ESR1: variants seen among roughly 807,000 people sequenced by gnomAD.
The protein encoded by ESR1 is estrogen receptor.
Under a neutral mutation model 52.7 loss-of-function variants are expected in ESR1, and 12 were observed. That is an observed-to-expected ratio of 0.23 (90% CI 0.15 to 0.37). The LOEUF is 0.37. Among genes scored for constraint, ESR1 ranks in the 10% least tolerant of loss-of-function variants. ESR1 has a pLI of 1.00. For synonymous variants in ESR1, 305 were observed against 316.8 expected (o/e 0.96, Z 0.39); for missense variants, 584 against 779.7 (o/e 0.75, Z 2.99).
intron 5 of ESR1, among the ~76,000 whole-genome samples, chr6:152,021,874 C>G (rs569647468): frequency 6.6e-6 from 1 of 152,276 alleles, no homozygotes; most frequent in Non-Finnish European, 1.5e-5. Context: ...CTCTCATTCT[C>G]TCTTGCCTGC....
chr6:151,721,506 A>G (rs1210924677), intron 2 of ESR1, among the ~76,000 whole-genome samples: 1 of 152,242 alleles, frequency 6.6e-6, no homozygotes, highest in Non-Finnish European at 1.5e-5. Flanking sequence ...CCATGTAAGT[A>G]CATCTGCTGG....
intron 1 of ESR1, among the ~76,000 whole-genome samples, chr6:151,667,428 T>C (rs1407859984): frequency 6.6e-6 from 1 of 152,226 alleles, no homozygotes; most frequent in Admixed American, 6.5e-5. Context: ...GCAAATCATT[T>C]TGACTTTCCA....
chr6:151,796,991 A>G (rs766324922), intron 2 of ESR1, among the ~76,000 whole-genome samples: 3 of 152,326 alleles, frequency 2.0e-5, no homozygotes, highest in South Asian at 2.1e-4. Context: ...AGTATACACA[A>G]TGCTACTACA....
At chr6:151,708,498 T>C (rs946662921) in intron 2 of ESR1, among the ~76,000 whole-genome samples, 5 of 152,190 alleles carry the variant, frequency 3.3e-5, no homozygotes, top group Non-Finnish European at 7.3e-5. Context: ...GGTTTTTTCA[T>C]ATTATTTTCT....
At chr6:151,660,426 A>G (rs1271682136) in intron 1 of ESR1, among the ~76,000 whole-genome samples, 2 of 152,220 alleles carry the variant, frequency 1.3e-5, no homozygotes, top group African/African-American at 4.8e-5. Context: ...TTGTCAAACT[A>G]TTGGCCCTTT....
chr6:151,842,872 A>G, intron 2 of ESR1, 85 bp downstream of exon 2: 1 of 1,192,554 alleles, frequency 8.4e-7, no homozygotes, highest in Middle Eastern at 2.2e-4. Flanking sequence ...GAAGACATAG[A>G]ATCAGCCATT....
intron 4 of ESR1, among the ~76,000 whole-genome samples, chr6:152,003,340 ATGTGTG>A (rs60787638): frequency 1.4e-3 from 199 of 145,626 alleles, no homozygotes; most frequent in African/African-American, 4.2e-3. Flanking sequence ...AAGGGTAATT[ATGTGTG>A]TGTGTGTGTG....
intron 1 of ESR1, among the ~76,000 whole-genome samples, chr6:151,841,639 T>C (rs572683403): frequency 1.3e-4 from 20 of 152,304 alleles, no homozygotes; most frequent in African/African-American, 4.8e-4. Flanking sequence ...TTTTACTTCC[T>C]TATTTTCTTG....
At chr6:151,767,801 T>C (rs908691718) in intron 2 of ESR1, among the ~76,000 whole-genome samples, 1 of 152,212 alleles carries the variant, frequency 6.6e-6, no homozygotes, top group Non-Finnish European at 1.5e-5. Flanking sequence ...GCCTTCTTAG[T>C]GTTCTCTGCT....
intron 4 of ESR1, among the ~76,000 whole-genome samples, chr6:151,965,375 T>C (rs1393768182): frequency 1.3e-5 from 2 of 152,304 alleles, no homozygotes; most frequent in African/African-American, 4.8e-5. Context: ...AAATAATGAG[T>C]ACAAATGGTA....
At chr6:151,855,889 G>T (rs189485617) in intron 2 of ESR1, among the ~76,000 whole-genome samples, 1 of 152,156 alleles carries the variant, frequency 6.6e-6, no homozygotes, top group Non-Finnish European at 1.5e-5. Flanking sequence ...CTACTTAATT[G>T]TAAGTGGCCT....
At chr6:151,864,638 C>T (rs542745279) in intron 2 of ESR1, among the ~76,000 whole-genome samples, 4 of 152,198 alleles carry the variant, frequency 2.6e-5, no homozygotes, top group East Asian at 1.9e-4. Flanking sequence ...CACATGCACA[C>T]GTATGTTTAT....
chr6:151,664,710 C>G (rs1309044432), intron 1 of ESR1, among the ~76,000 whole-genome samples: 3 of 152,220 alleles, frequency 2.0e-5, no homozygotes, highest in Non-Finnish European at 2.9e-5. Flanking sequence ...CTAAATTTCC[C>G]TATTCCATGA....
At chr6:151,865,599 TCTGGGACATCAA>T (rs1249188995) in intron 2 of ESR1, among the ~76,000 whole-genome samples, 2 of 152,146 alleles carry the variant, frequency 1.3e-5, no homozygotes, top group Non-Finnish European at 2.9e-5. Context: ...AGATCACCAA[TCTGGGACATCAA>T]GAAGCCAGAC....
At chr6:151,825,910 C>CAA (rs3996305) in intron 1 of ESR1, among the ~76,000 whole-genome samples, 35,503 of 77,448 alleles carry the variant, frequency 0.46, 7,463 homozygotes, top group East Asian at 0.56. Flanking sequence ...GACTCCATCT[C>CAA]AAAAAAAAAA....
intron 2 of ESR1, among the ~76,000 whole-genome samples, chr6:151,737,218 A>G (rs1408064315): frequency 2.6e-5 from 4 of 152,164 alleles, no homozygotes; most frequent in Non-Finnish European, 4.4e-5. Flanking sequence ...TTATTTGCAA[A>G]TCTGCAACAA....
chr6:151,717,554 T>A (rs1781142585), intron 2 of ESR1, among the ~76,000 whole-genome samples: 1 of 152,242 alleles, frequency 6.6e-6, no homozygotes, highest in Non-Finnish European at 1.5e-5. Flanking sequence ...ATTAATTTTC[T>A]TCATATTGGC....
In ESR1 at chr6:151,938,351, A is replaced by C. The variant is rs9371232; in HGVS notation, c.761-5822A>C. 9.2e-3 allele frequency among the ~76,000 whole-genome samples: 1,402 copies of C among 152,310 alleles called. 32 individuals carry two copies. Among genetic ancestry groups the C allele is most frequent in the East Asian group, 0.075 (389 of 5,174 alleles). ...GTATGTTAACTTTTTCTGAGATACA[A>C]TAGCCAAGCCAAAGAATTTAAAGAA... is the stretch of plus-strand genomic sequence containing the variant. On this transcript the variant is annotated intron_variant, in intron 3 of 7. Transcript: ENST00000206249.
chr6:151,847,737 T>G (rs1272068169), intron 2 of ESR1, among the ~76,000 whole-genome samples: 1 of 128,096 alleles, frequency 7.8e-6, no homozygotes, highest in Non-Finnish European at 1.7e-5. Context: ...AGAAGCTCTT[T>G]AGTTTAATTA....
Sources: gnomAD v4.1 joint callset for allele counts (sites outside exome capture counted in the v4.1 genomes callset) on GRCh38, gnomAD v4.1.1 for gene constraint, MANE v1.5 for transcripts, NCBI Gene and HGNC (gene_info 2026-07-23, HGNC 2026-07-21) for gene names.